The following INPP1 variants were observed in gnomAD, a reference collection of about 807,000 sequenced individuals.
INPP1 encodes inositol polyphosphate 1-phosphatase.
In INPP1, 18 loss-of-function variants were observed where a neutral mutation model predicts 23.0. The ratio of observed to expected loss-of-function variants is 0.78; its 90% confidence interval spans 0.54 to 1.16. The LOEUF (loss-of-function observed/expected upper bound fraction) is 1.16, where lower values mean the gene tolerates loss of function less well. INPP1 is among the 50% of genes most tolerant of loss of function. The pLI is 0.00. For synonymous variants in INPP1, 164 were observed against 176.3 expected, an observed-to-expected ratio of 0.93 and a Z score of 0.55; for missense variants, 448 against 482.1, an observed-to-expected ratio of 0.93 and a Z score of 0.66.
In INPP1 at chr2:190,352,866, T is replaced by C. The variant is rs573859362; in HGVS notation, c.-65+3835T>C. On this transcript the variant is annotated intron_variant, in intron 2 of 6. Coordinates refer to ENST00000392329, the MANE Select transcript of INPP1 (RefSeq NM_001128928.2). This position sits in a 1 kb window ranked among gnomAD's most constrained non-coding sequence, Gnocchi z 4.7. The stretch of plus-strand genomic sequence containing the variant: ...GATATTTCACGGAAGCTTGGCCTTT[T>C]CCACTAGCAGCAATAGCTGTCAGGC... 3.9e-5 allele frequency among the ~76,000 whole-genome samples: 6 copies of C among 152,156 alleles called. No individual in the cohort carries two copies. Among genetic ancestry groups the C allele is most frequent in the Admixed American group, 6.5e-5 (1 of 15,268 alleles).
chr2:190,366,153 C>T (rs1005455568), intron 4 of INPP1, among the ~76,000 whole-genome samples: 22 of 149,380 alleles, frequency 1.5e-4, no homozygotes, highest in Admixed American at 6.1e-4. Flanking sequence ...CTCGCTCTTT[C>T]GCTGTCTCTC....
chr2:190,357,974 T>A (rs1689450160), intron 2 of INPP1, among the ~76,000 whole-genome samples: 2 of 152,146 alleles, frequency 1.3e-5, no homozygotes, highest in African/African-American at 4.8e-5. Flanking sequence ...TTTAGCAAAA[T>A]TGTTTAAGAT....
chr2:190,371,395 A>G lies in INPP1; in HGVS notation c.1193A>G (p.His398Arg). ...LVQNLAPAETHT is the reference protein window; with the variant it reads ...LVQNLAPAETRT ...CAAAACCTGGCACCTGCAGAGACGC[A>G]TACCTAGAGGAACTCTAACCCCGGT... Residue 398 changes from histidine to arginine, a missense_variant, in exon 7 of 7, where the codon CAT becomes CGT. His to Arg is a conservative substitution (Grantham distance 29). Transcript: ENST00000392329. The surrounding 1 kb of genome is among the most constrained non-coding windows in gnomAD (Gnocchi z 5.3). 2 of 1,519,858 alleles carry G rather than the reference A, an allele frequency of 1.3e-6. No individual in the cohort carries two copies. The highest frequency in any genetic ancestry group is 1.8e-6 in the Non-Finnish European group (2 of 1,136,224). 94.1% of individuals were successfully genotyped at this position (1,519,858 alleles called of 1,614,324 possible). A position where few individuals can be genotyped will look rare whatever the true frequency, so the allele number is the denominator to read the frequency against.
chr2:190,348,032 G>C (rs904464033), intron 1 of INPP1, among the ~76,000 whole-genome samples: 11 of 152,238 alleles, frequency 7.2e-5, no homozygotes, highest in Admixed American at 4.6e-4. Context: ...CAGCTACTAG[G>C]GGGGCTAAGG....
rs139090493 is a variant in INPP1 at position 190,364,541 on chromosome 2, CAA to C, written c.265+1867_265+1868del. Among the ~76,000 whole-genome samples, 909 of 129,446 alleles carry C rather than the reference CAA, an allele frequency of 7.0e-3. 16 individuals are homozygous for C. Among genetic ancestry groups the C allele is most frequent in the African/African-American group, 0.024 (810 of 33,838 alleles). The allele number at this position is 129,446 out of a possible 152,430, so 84.9% of individuals were successfully genotyped here. A position where few individuals can be genotyped will look rare whatever the true frequency, so the allele number is the denominator to read the frequency against. The stretch of plus-strand genomic sequence containing the variant: ...TGGGTGACAGAGCAAGACTCCGTCT[CAA>C]AAAAAAAAAAAATTTCAGTAGGTCT... On this transcript the variant is annotated intron_variant, in intron 4 of 6. Coordinates refer to ENST00000392329, the MANE Select transcript of INPP1 (RefSeq NM_001128928.2).
In INPP1 at chr2:190,360,183, C is replaced by CCTT. The variant is rs1442679796; in HGVS notation, c.83_84insTCT (p.Leu28dup). The CCTT allele has an allele frequency of 1.9e-6, 3 of 1,613,948 alleles. No individual in the cohort carries two copies. The Admixed American group carries it at 5.0e-5, about 27-fold the overall frequency. ...CCCGGGCGTGCAGACAGCAGGAAGC[C>CCTT]CTCTTCCAGCTGCTGATCGAAGAAA... On this transcript the variant is annotated inframe_insertion, in exon 3 of 7. Transcript: ENST00000392329.
intron 2 of INPP1, 33 bp from the exon 3 acceptor site, chr2:190,360,006 T>C: frequency 7.9e-7 from 1 of 1,270,688 alleles, no homozygotes; most frequent in Non-Finnish European, 1.1e-6. Context: ...CTCTCTGAAC[T>C]GCTTTCTCTT....
At position 190,346,018 on chromosome 2, in the gene INPP1, T is replaced by A. The variant is rs995993529; in HGVS notation, c.-209+2057T>A. Among the ~76,000 whole-genome samples, 7 of 151,972 alleles carry A rather than the reference T, an allele frequency of 4.6e-5. No individual in the cohort carries two copies. Among genetic ancestry groups the A allele is most frequent in the Admixed American group, 3.3e-4 (5 of 15,262 alleles). On this transcript the variant is annotated intron_variant, in intron 1 of 6. Transcript: ENST00000392329. The surrounding 1 kb of genome is among the most constrained non-coding windows in gnomAD (Gnocchi z 5.1). ...CAAAAAATAAAAATTAAGTTAAAATTAAAAAAATAAAAGTTCTGCTTCCCG... is the reference window on the plus strand; with the variant it reads ...CAAAAAATAAAAATTAAGTTAAAATAAAAAAAATAAAAGTTCTGCTTCCCG...
intron 2 of INPP1, among the ~76,000 whole-genome samples, chr2:190,351,203 T>TA (rs60669672): frequency 9.8e-4 from 150 of 152,364 alleles, no homozygotes; most frequent in African/African-American, 3.4e-3. Flanking sequence ...AAAGCTGGGA[T>TA]AGAGATTTGG....
rs184999738 is a variant in INPP1, at chr2:190,351,605, G to A, written c.-65+2574G>A. Reference sequence around the variant, plus strand: ...CCTGACCTCTTTCACTTGACAGCATGTTTTTGTGAGATGCATCCATGTTGT... The same window carrying A: ...CCTGACCTCTTTCACTTGACAGCATATTTTTGTGAGATGCATCCATGTTGT... On this transcript the variant is annotated intron_variant, in intron 2 of 6. Transcript: ENST00000392329. Among the ~76,000 whole-genome samples the A allele has an allele frequency of 5.0e-3, 767 of 152,286 alleles. 19 individuals are homozygous for A. Among genetic ancestry groups the A allele is most frequent in the East Asian group, 3.9e-3 (20 of 5,186 alleles).
In INPP1 at chr2:190,355,001, T is replaced by C. The variant is rs932847493; in HGVS notation, c.-64-5038T>C. Among the ~76,000 whole-genome samples, 1 of 151,722 alleles carries C rather than the reference T, an allele frequency of 6.6e-6. No individual in the cohort carries two copies. The highest frequency in any genetic ancestry group is 1.5e-5 in the Non-Finnish European group (1 of 67,952). On this transcript the variant is annotated intron_variant, in intron 2 of 6. Coordinates refer to ENST00000392329, the MANE Select transcript of INPP1 (RefSeq NM_001128928.2). This position sits in a 1 kb window ranked among gnomAD's most constrained non-coding sequence, Gnocchi z 5.1. ...CCTTATAATACTAATGTACTTATGA[T>C]TATTATCCAACAATTACTGATTTTC...
rs556479408 is a variant in INPP1, at chr2:190,349,040, T to A, written c.-65+9T>A. 1 of 152,242 alleles carries A rather than the reference T, an allele frequency of 6.6e-6. No homozygotes were observed. The highest frequency in any genetic ancestry group is 2.4e-5 in the African/African-American group (1 of 41,466). 9.4% of individuals were successfully genotyped at this position (152,242 alleles called of 1,614,324 possible). A position where few individuals can be genotyped will look rare whatever the true frequency, so the allele number is the denominator to read the frequency against. On this transcript the variant is annotated intron_variant, in intron 2 of 6. Transcript: ENST00000392329. ...CATCCAGACAATAAACAGTAAGTGT[T>A]AAAGGAGTTGGTGTCTCCAATTAGT...
intron 4 of INPP1, 73 bp from the exon 5 acceptor site, chr2:190,366,622 T>C: frequency 9.4e-7 from 1 of 1,064,984 alleles, no homozygotes; most frequent in Non-Finnish European, 1.4e-6. Context: ...TCTCACTCTT[T>C]AGCTCTCTCT....
At chr2:190,353,817 A>G (rs1478089040) in intron 2 of INPP1, among the ~76,000 whole-genome samples, 1 of 152,208 alleles carries the variant, frequency 6.6e-6, no homozygotes, top group Non-Finnish European at 1.5e-5. Flanking sequence ...AATTATTCAG[A>G]TAGGATTTTT....
Position 190,371,223 on chromosome 2 carries a change from A to T in INPP1, c.1021A>T (p.Asn341Tyr). 6.2e-7 allele frequency: 1 copy of T among 1,613,414 alleles called. No individual in the cohort carries two copies. Among genetic ancestry groups the T allele is most frequent in the Non-Finnish European group, 8.5e-7 (1 of 1,179,440 alleles). Residue 341 changes from asparagine to tyrosine, a missense_variant, in exon 7 of 7, where the codon AAT becomes TAT. Coordinates refer to ENST00000392329, the MANE Select transcript of INPP1 (RefSeq NM_001128928.2). This position sits in a 1 kb window ranked among gnomAD's most constrained non-coding sequence, Gnocchi z 5.3. ...AGACTTGAAAGAATGCTTAGAAAGA[A>T]ATCCAGAAACAGGGCTTGATTTGCC... ...IVDLKECLER[N>Y]PETGLDLPQL...
At position 190,366,927 on chromosome 2, in the gene INPP1, T is replaced by C. The variant is rs200757562; in HGVS notation, c.466+32T>C. ...ATAGGAAAGTATGTTTGTTCTTATT[T>C]GCAATCTTTTTTTTGGTGGTGGGGT... On this transcript the variant is annotated intron_variant, in intron 5 of 6. Transcript: ENST00000392329. 9 of 1,468,198 alleles carry C rather than the reference T, an allele frequency of 6.1e-6. No individual in the cohort carries two copies. In the African/African-American group the frequency reaches 1.3e-4, roughly 20 times the overall value. The allele number at this position is 1,468,198 out of a possible 1,614,324, so 90.9% of individuals were successfully genotyped here.
In INPP1 at chr2:190,355,340, A is replaced by C. The variant is rs748613949; in HGVS notation, c.-64-4699A>C. ...TTTTAACCTATCTCTGCACAAGAAT[A>C]ACAGATAGCAAAACCATTGTACCTA... is the stretch of plus-strand genomic sequence containing the variant. On this transcript the variant is annotated intron_variant, in intron 2 of 6. Transcript: ENST00000392329. This position sits in a 1 kb window ranked among gnomAD's most constrained non-coding sequence, Gnocchi z 5.1. Among the ~76,000 whole-genome samples, 39 of 152,236 alleles carry C rather than the reference A, an allele frequency of 2.6e-4. No homozygotes were observed. Among genetic ancestry groups the C allele is most frequent in the Admixed American group, 5.2e-4 (8 of 15,288 alleles).
In INPP1 at chr2:190,355,562, AGCAATCTGTTTTTTTAGAAGGCCATCTTG is replaced by A. The variant is rs1390227935; in HGVS notation, c.-64-4475_-64-4447del. Among the ~76,000 whole-genome samples, 2 of 152,250 alleles carry A rather than the reference AGCAATCTGTTTTTTTAGAAGGCCATCTTG, an allele frequency of 1.3e-5. No homozygotes were observed. Among genetic ancestry groups the A allele is most frequent in the East Asian group, 3.8e-4 (2 of 5,208 alleles). ...GATTCACTAAGCTGGGGTAGAGTCC[AGCAATCTGTTTTTTTAGAAGGCCATCTTG>A]GGTAATTCTGATACAGGTAACTCTC... is the stretch of plus-strand genomic sequence containing the variant. On this transcript the variant is annotated intron_variant, in intron 2 of 6. Transcript: ENST00000392329. This position sits in a 1 kb window ranked among gnomAD's most constrained non-coding sequence, Gnocchi z 5.1.
chr2:190,347,007 C>CA, intron 1 of INPP1, among the ~76,000 whole-genome samples: 1 of 116,036 alleles, frequency 8.6e-6, no homozygotes, highest in East Asian at 2.4e-4. Context: ...TTATTAGTAG[C>CA]TTTTTTTTTT....
Sources: gnomAD v4.1 joint callset for allele counts (sites outside exome capture counted in the v4.1 genomes callset) on GRCh38, gnomAD v4.1.1 for gene constraint, Gnocchi (gnomAD v3.1) non-coding constraint, MANE v1.5 for transcripts, NCBI Gene and HGNC (gene_info 2026-07-23, HGNC 2026-07-21) for gene names.